The following BRIP1 variants were observed in gnomAD, a reference collection of about 807,000 sequenced individuals.
The protein encoded by BRIP1 is Fanconi anemia group J protein.
In BRIP1, 88 loss-of-function variants were observed where a neutral mutation model predicts 119.7. The ratio of observed to expected loss-of-function variants is 0.74; its 90% CI spans 0.62 to 0.88. The LOEUF is 0.88. Among genes scored for constraint, BRIP1 ranks in the 40% least tolerant of loss-of-function variants. BRIP1 has a pLI of 0.00. For synonymous variants in BRIP1, 443 were observed against 496.5 expected, an observed-to-expected ratio of 0.89 and a Z score of 1.43; for missense variants, 1,259 against 1,455.4, an observed-to-expected ratio of 0.87 and a Z score of 2.20.
rs933437778 is a variant in BRIP1 at position 61,705,563 on chromosome 17, T to C, written c.2492+10388A>G. ...TTGTTACAATTCATCAATTTATACTTGTTTTTATTACTCCTTTTTTTCCTG... is the reference window on the plus strand; with the variant it reads ...TTGTTACAATTCATCAATTTATACTCGTTTTTATTACTCCTTTTTTTCCTG... On this transcript the variant is annotated intron_variant, in intron 17 of 19. Coordinates refer to ENST00000259008, the MANE Select transcript of BRIP1 (RefSeq NM_032043.3). This position sits in a 1 kb window ranked among gnomAD's most constrained non-coding sequence, Gnocchi z 5.0. Among the ~76,000 whole-genome samples the C allele has an allele frequency of 6.6e-6, 1 of 152,212 alleles. No individual in the cohort carries two copies. Among genetic ancestry groups the C allele is most frequent in the African/African-American group, 2.4e-5 (1 of 41,462 alleles).
At chr17:61,772,157 T>TTTTATA in intron 14 of BRIP1, among the ~76,000 whole-genome samples, 1 of 76,862 alleles carries the variant, frequency 1.3e-5, no homozygotes, top group South Asian at 5.1e-4. Flanking sequence ...AAATGTGAGA[T>TTTTATA]TATATATATA....
In BRIP1 at chr17:61,780,792, C is replaced by T. The variant is rs767074722; in HGVS notation, c.1794+48G>A. The T allele has an allele frequency of 1.2e-4, 179 of 1,553,538 alleles. No individual in the cohort carries two copies. Among genetic ancestry groups the T allele is most frequent in the Non-Finnish European group, 1.3e-4 (141 of 1,125,272 alleles). Reference sequence around the variant, plus strand: ...AGAGTCAACCACATTTATTAAAATGCTGGTACTGAGCAAGAAGACAAAATT... The same window carrying T: ...AGAGTCAACCACATTTATTAAAATGTTGGTACTGAGCAAGAAGACAAAATT... On this transcript the variant is annotated intron_variant, in intron 12 of 19. Coordinates refer to ENST00000259008, the MANE Select transcript of BRIP1 (RefSeq NM_032043.3). The surrounding 1 kb of genome is among the most constrained non-coding windows in gnomAD (Gnocchi z 5.4).
chr17:61,849,326 G>A (rs2145768749), intron 4 of BRIP1, 70 bp from the exon 5 acceptor site: 2 of 1,340,128 alleles, frequency 1.5e-6, no homozygotes, highest in South Asian at 1.3e-5. Flanking sequence ...GAAGAAAACT[G>A]GAACCAGGAT....
chr17:61,773,582 G>A (rs1217888084), intron 14 of BRIP1, among the ~76,000 whole-genome samples: 3 of 151,930 alleles, frequency 2.0e-5, no homozygotes, highest in Admixed American at 1.3e-4. Flanking sequence ...AAACTAAAGA[G>A]CTTCAGTACA....
intron 10 of BRIP1, among the ~76,000 whole-genome samples, chr17:61,791,547 A>G (rs954120991): frequency 5.3e-5 from 8 of 151,704 alleles, no homozygotes; most frequent in Non-Finnish European, 1.2e-4. Flanking sequence ...CCAACAATGA[A>G]CCAATTCTGA....
intron 9 of BRIP1, among the ~76,000 whole-genome samples, chr17:61,797,886 A>C (rs866380265): frequency 1.3e-5 from 2 of 152,164 alleles, no homozygotes; most frequent in South Asian, 2.1e-4. Flanking sequence ...ACCACTTTTC[A>C]CCTAGCAGGC....
rs1264728654 is a variant in BRIP1, at chr17:61,700,691, C to T, written c.2493-7179G>A. Among the ~76,000 whole-genome samples, 1 of 152,108 alleles carries T rather than the reference C, an allele frequency of 6.6e-6. No individual in the cohort carries two copies. The highest frequency in any genetic ancestry group is 2.4e-5 in the African/African-American group (1 of 41,414). On this transcript the variant is annotated intron_variant, in intron 17 of 19. Coordinates refer to ENST00000259008, the MANE Select transcript of BRIP1 (RefSeq NM_032043.3). The surrounding 1 kb of genome is among the most constrained non-coding windows in gnomAD (Gnocchi z 4.1). Reference sequence around the variant, plus strand: ...CTTGGATGTATAAATTAACGTTTTTCATCAAATTCGGAACGTTTTCAGCCA... The same window carrying T: ...CTTGGATGTATAAATTAACGTTTTTTATCAAATTCGGAACGTTTTCAGCCA...
intron 4 of BRIP1, among the ~76,000 whole-genome samples, chr17:61,854,042 G>A (rs974985747): frequency 4.6e-5 from 7 of 152,006 alleles, no homozygotes; most frequent in Non-Finnish European, 5.9e-5. Context: ...TTGGGAGGCC[G>A]AAGAAGGCAG....
At position 61,808,363 on chromosome 17, in the gene BRIP1, T is replaced by A. The variant is rs2078104262; in HGVS notation, c.918+104A>T. The A allele has an allele frequency of 1.6e-6, 2 of 1,227,482 alleles. No homozygotes were observed. Among genetic ancestry groups the A allele is most frequent in the Non-Finnish European group, 2.3e-6 (2 of 855,460 alleles). The allele number at this position is 1,227,482 out of a possible 1,614,324, so 76.0% of individuals were successfully genotyped here. A position where few individuals can be genotyped will look rare whatever the true frequency, so the allele number is the denominator to read the frequency against. ...TATCAATACTAGCAGTTAATTTGATTTTCCGAAGTTGATTATCACTAAAAT... is the reference window on the plus strand; with the variant it reads ...TATCAATACTAGCAGTTAATTTGATATTCCGAAGTTGATTATCACTAAAAT... On this transcript the variant is annotated intron_variant, in intron 7 of 19. Coordinates refer to ENST00000259008, the MANE Select transcript of BRIP1 (RefSeq NM_032043.3). The surrounding 1 kb of genome is among the most constrained non-coding windows in gnomAD (Gnocchi z 4.1).
Position 61,834,460 on chromosome 17 carries a change from C to T in BRIP1, c.627+12641G>A, listed in dbSNP as rs796684192. On this transcript the variant is annotated intron_variant, in intron 6 of 19. Coordinates refer to ENST00000259008, the MANE Select transcript of BRIP1 (RefSeq NM_032043.3). This position sits in a 1 kb window ranked among gnomAD's most constrained non-coding sequence, Gnocchi z 4.4. ...TATGGTGGAAATGTTTACATATATA[C>T]TCAGTTGATACTGGGTATATATGTA... Among the ~76,000 whole-genome samples the T allele has an allele frequency of 2.0e-5, 3 of 152,130 alleles. No individual in the cohort carries two copies. The highest frequency in any genetic ancestry group is 7.2e-5 in the African/African-American group (3 of 41,492).
In BRIP1 at chr17:61,757,248, C is replaced by G. The variant is rs563333646; in HGVS notation, c.2098-12657G>C. ...ATACAAACTGAAAATATAAGAAAACCAAGAATATGAATTTCTATTGAAACA... is the reference window on the plus strand; with the variant it reads ...ATACAAACTGAAAATATAAGAAAACGAAGAATATGAATTTCTATTGAAACA... On this transcript the variant is annotated intron_variant, in intron 14 of 19. Coordinates refer to ENST00000259008, the MANE Select transcript of BRIP1 (RefSeq NM_032043.3). The surrounding 1 kb of genome is among the most constrained non-coding windows in gnomAD (Gnocchi z 4.3). Among the ~76,000 whole-genome samples the G allele has an allele frequency of 2.6e-5, 4 of 151,920 alleles. No individual in the cohort carries two copies. The East Asian group carries it at 7.7e-4, about 29-fold the overall frequency.
chr17:61,735,436 G>A lies in BRIP1; in HGVS notation c.2379+7577C>T, dbSNP rs570805757. ...CTCTGGAAGTATACTGTCATGATACGAGGGGGCTTGTGAAAAGGCCACATG... is the reference window on the plus strand; with the variant it reads ...CTCTGGAAGTATACTGTCATGATACAAGGGGGCTTGTGAAAAGGCCACATG... On this transcript the variant is annotated intron_variant, in intron 16 of 19. Coordinates refer to ENST00000259008, the MANE Select transcript of BRIP1 (RefSeq NM_032043.3). This position sits in a 1 kb window ranked among gnomAD's most constrained non-coding sequence, Gnocchi z 4.4. Among the ~76,000 whole-genome samples, 3 of 152,190 alleles carry A rather than the reference G, an allele frequency of 2.0e-5. No individual in the cohort carries two copies. The highest frequency in any genetic ancestry group is 1.9e-4 in the East Asian group (1 of 5,186).
Position 61,862,789 on chromosome 17 carries a change from C to G in BRIP1, c.-31+495G>C, listed in dbSNP as rs188438492. The stretch of plus-strand genomic sequence containing the variant: ...AATAGCAATTCAATAGATTATGAAG[C>G]CAATAATAACATTCACCACTGCTTG... On this transcript the variant is annotated intron_variant, in intron 1 of 19. Coordinates refer to ENST00000259008, the MANE Select transcript of BRIP1 (RefSeq NM_032043.3). The surrounding 1 kb of genome is among the most constrained non-coding windows in gnomAD (Gnocchi z 5.3). Among the ~76,000 whole-genome samples, 10 of 152,202 alleles carry G rather than the reference C, an allele frequency of 6.6e-5. No individual in the cohort carries two copies. The highest frequency in any genetic ancestry group is 1.5e-4 in the Non-Finnish European group (10 of 68,012).
rs551802628 is a variant in BRIP1 at position 61,771,481 on chromosome 17, G to A, written c.2097+4920C>T. Among the ~76,000 whole-genome samples, 32 of 152,170 alleles carry A rather than the reference G, an allele frequency of 2.1e-4. 1 individual carries two copies. The East Asian group carries it at 6.2e-3, about 29-fold the overall frequency. On this transcript the variant is annotated intron_variant, in intron 14 of 19. Transcript: ENST00000259008. ...TATACTTAACATCACTAGTCATCAG[G>A]GAACTGCAAATCAAAACCACAAGGA...
At chr17:61,733,854 T>A (rs2076883213) in intron 16 of BRIP1, among the ~76,000 whole-genome samples, 1 of 69,008 alleles carries the variant, frequency 1.4e-5, no homozygotes, top group South Asian at 6.1e-4. Flanking sequence ...GATAAATTAT[T>A]TTAATCATTG....
chr17:61,799,313 G>T lies in BRIP1; in HGVS notation c.1141-14C>A, dbSNP rs2077954619. 3 of 1,594,280 alleles carry T rather than the reference G, an allele frequency of 1.9e-6. No individual in the cohort carries two copies. Among genetic ancestry groups the T allele is most frequent in the Non-Finnish European group, 2.6e-6 (3 of 1,163,776 alleles). On this transcript the variant is annotated splice_polypyrimidine_tract_variant and intron_variant, in intron 8 of 19. Coordinates refer to ENST00000259008, the MANE Select transcript of BRIP1 (RefSeq NM_032043.3). The surrounding 1 kb of genome is among the most constrained non-coding windows in gnomAD (Gnocchi z 5.1). The stretch of plus-strand genomic sequence containing the variant: ...ATTTAAATCCATCTATAAGATAAAA[G>T]AATTTTCTTGTAAAACATTTGGCAA...
rs905318643 is a variant in BRIP1, at chr17:61,742,054, C to T, written c.2379+959G>A. 1.3e-5 allele frequency among the ~76,000 whole-genome samples: 2 copies of T among 152,234 alleles called. No homozygotes were observed. On this transcript the variant is annotated intron_variant, in intron 16 of 19. Transcript: ENST00000259008. This position sits in a 1 kb window ranked among gnomAD's most constrained non-coding sequence, Gnocchi z 4.7. ...CCTTCATCAATTATCTTGGCCAGAT[C>T]TTCTGGATAACTTGCTGTAGCTTCT...
chr17:61,840,233 C>T (rs1254067731), intron 6 of BRIP1, among the ~76,000 whole-genome samples: 1 of 151,660 alleles, frequency 6.6e-6, no homozygotes, highest in Non-Finnish European at 1.5e-5. Flanking sequence ...GTGTCAGGTG[C>T]TACTTGAGAA....
chr17:61,772,059 T>C (rs1339040041), intron 14 of BRIP1, among the ~76,000 whole-genome samples: 1 of 150,658 alleles, frequency 6.6e-6, no homozygotes, highest in Non-Finnish European at 1.5e-5. Flanking sequence ...AAATAGATAT[T>C]TGTACACCAG....
Sources: allele counts gnomAD v4.1 joint callset (sites outside exome capture counted in the v4.1 genomes callset), GRCh38; gene constraint gnomAD v4.1.1; non-coding constraint Gnocchi (gnomAD v3.1); transcripts MANE v1.5; gene names NCBI Gene and HGNC (gene_info 2026-07-23, HGNC 2026-07-21).